Variants in MYO10 observed in about 807,000 individuals in gnomAD.
The protein encoded by MYO10 is myosin X, also known as unconventional myosin-X.
A neutral mutation model predicts 257.3 loss-of-function variants in MYO10; 133 were observed. The observed-to-expected ratio is 0.52, with a 90% confidence interval of 0.45 to 0.60. The LOEUF (loss-of-function observed/expected upper bound fraction) is 0.60, where lower values mean the gene tolerates loss of function less well. MYO10 is among the 20% of genes least tolerant of loss of function. The pLI is 0.00. For missense variants in MYO10, 2,399 were observed against 2,635.7 expected, an observed-to-expected ratio of 0.91 and a Z score of 1.97; for synonymous variants, 1,104 against 1,028.6, an observed-to-expected ratio of 1.07 and a Z score of -1.40.
intron 2 of MYO10, among the ~76,000 whole-genome samples, chr5:16,844,348 A>C (rs1743568181): frequency 6.6e-6 from 1 of 152,172 alleles, no homozygotes; most frequent in Non-Finnish European, 1.5e-5. Flanking sequence ...ATTAACACAG[A>C]TCTTTAATGA....
chr5:16,709,745 T>C (rs1738510265), intron 21 of MYO10, among the ~76,000 whole-genome samples: 1 of 152,198 alleles, frequency 6.6e-6, no homozygotes, highest in Non-Finnish European at 1.5e-5. Flanking sequence ...TATGAGATAA[T>C]CAATGTGTGT....
At chr5:16,821,003 A>ATT (rs1742783902) in intron 2 of MYO10, among the ~76,000 whole-genome samples, 1 of 147,646 alleles carries the variant, frequency 6.8e-6, no homozygotes, top group African/African-American at 2.5e-5. Flanking sequence ...CTTATATCTT[A>ATT]AGATACCTTA....
rs763541268 is a variant in MYO10 at position 16,701,118 on chromosome 5, GGTCGTA to G, written c.3271_3276del (p.Tyr1091_Asp1092del). On this transcript the variant is annotated inframe_deletion, in exon 25 of 41. Transcript: ENST00000513610. This position sits in a 1 kb window ranked among gnomAD's most constrained non-coding sequence, Gnocchi z 8.1. ...ATGGCACCGTCCTCATAGTCATCCT[GGTCGTA>G]GTCGTAGTCGCCGTCTGGGGAGGGC... is the stretch of plus-strand genomic sequence containing the variant. 6.3e-6 allele frequency: 10 copies of G among 1,594,270 alleles called. No individual in the cohort carries two copies. Among genetic ancestry groups the G allele is most frequent in the Non-Finnish European group, 6.0e-6 (7 of 1,170,806 alleles).
rs1317824118 is a variant in MYO10 at position 16,935,801 on chromosome 5, T to G, written c.8A>C (p.Asn3Thr). 6.2e-7 allele frequency: 1 copy of G among 1,613,078 alleles called. No homozygotes were observed. The highest frequency in any genetic ancestry group is 8.5e-7 in the Non-Finnish European group (1 of 1,179,666). MD[N>T]FFTEGTRVWL... Reference sequence around the variant, plus strand: ...GAGCGCACTTACCTCGGTGAAGAAGTTATCCATTGTTCCAGCGCAGTCCCG... The same window carrying G: ...GAGCGCACTTACCTCGGTGAAGAAGGTATCCATTGTTCCAGCGCAGTCCCG... Residue 3 changes from asparagine to threonine, a missense_variant, in exon 1 of 41, where the codon AAC becomes ACC. By Grantham distance (65) the Asn-to-Thr change is moderately conservative. Around this residue, in one of 3 missense-constraint regions of MYO10, gnomAD observed 242 missense variants for 249.5 expected, o/e 0.97. Coordinates refer to ENST00000513610, the MANE Select transcript of MYO10 (RefSeq NM_012334.3).
intron 30 of MYO10, among the ~76,000 whole-genome samples, chr5:16,683,307 A>C (rs1172272137): frequency 3.3e-5 from 5 of 152,218 alleles, no homozygotes; most frequent in Non-Finnish European, 4.4e-5. Flanking sequence ...CTTACAAGAT[A>C]ATACAGAAAA....
At chr5:16,754,694 G>C in intron 19 of MYO10, 134 bp downstream of exon 19, 2 of 500,574 alleles carry the variant, frequency 4.0e-6, no homozygotes, top group African/African-American at 1.9e-5. Context: ...TTCATGTCAA[G>C]TTATAATAAT....
Position 16,681,989 on chromosome 5 carries a change from C to T in MYO10, c.4071G>A (p.Thr1357=). Residue 1357 remains threonine (T), a synonymous_variant, in exon 31 of 41, where the codon ACG becomes ACA. Coordinates refer to ENST00000513610, the MANE Select transcript of MYO10 (RefSeq NM_012334.3). ...CGTTGCAGTGCAGCACCCGGTTGGC[C>T]GTGATGATCACAAACGAGTTGGGTC... is the stretch of plus-strand genomic sequence containing the variant. The part of the protein sequence containing the change: ...PDRPNSFVII[T]ANRVLHCNAD... The T allele has an allele frequency of 2.5e-6, 4 of 1,613,638 alleles. No individual in the cohort carries two copies. Among genetic ancestry groups the T allele is most frequent in the Non-Finnish European group, 3.4e-6 (4 of 1,179,870 alleles).
intron 19 of MYO10, among the ~76,000 whole-genome samples, chr5:16,753,380 G>T (rs565319261): frequency 1.3e-5 from 2 of 151,888 alleles, no homozygotes; most frequent in Admixed American, 6.6e-5. Flanking sequence ...TGTTAACCAG[G>T]ATGGTCTCCA....
chr5:16,820,565 C>A (rs548255540), intron 2 of MYO10, among the ~76,000 whole-genome samples: 1 of 152,276 alleles, frequency 6.6e-6, no homozygotes, highest in East Asian at 1.9e-4. Context: ...AGCAAGAAGA[C>A]AGGGCACTGA....
At chr5:16,848,861 A>G (rs901479624) in intron 2 of MYO10, among the ~76,000 whole-genome samples, 3 of 152,200 alleles carry the variant, frequency 2.0e-5, no homozygotes, top group African/African-American at 7.2e-5. Context: ...CTGTAGGCAC[A>G]TAAGTTTTTC....
chr5:16,859,444 T>C (rs1452114331), intron 2 of MYO10, among the ~76,000 whole-genome samples: 1 of 152,100 alleles, frequency 6.6e-6, no homozygotes, highest in African/African-American at 2.4e-5. Flanking sequence ...CATTGGGGGC[T>C]AGGATTTCAA....
At chr5:16,839,651 A>G (rs960016837) in intron 2 of MYO10, among the ~76,000 whole-genome samples, 4 of 152,164 alleles carry the variant, frequency 2.6e-5, no homozygotes, top group African/African-American at 9.7e-5. Flanking sequence ...GCTAAGGGGA[A>G]GATCACCTGA....
At chr5:16,814,680 G>A (rs913390900) in intron 3 of MYO10, 2 of 152,114 alleles carry the variant, frequency 1.3e-5, no homozygotes, top group African/African-American at 2.4e-5. Context: ...TCCGGTGAAT[G>A]GCTTCAATGA....
rs376840834 is a variant in MYO10 at position 16,703,010 on chromosome 5, T to C, written c.2425A>G (p.Arg809Gly). 216 of 1,552,410 alleles carry C rather than the reference T, an allele frequency of 1.4e-4. No individual in the cohort carries two copies. The highest frequency in any genetic ancestry group is 1.8e-4 in the Non-Finnish European group (209 of 1,147,196). ...TCCCTTTTCTCTGCCAGCAATTGTC[T>C]GTAAACTCTCCGAGCAATCTGACCT... ...LRGQIARRVY[R>G]QLLAEKREQE... The change falls in exon 23 of 41, where the codon AGA becomes GGA. Residue 809 changes from arginine to glycine, a missense_variant. By Grantham distance (125) the Arg-to-Gly change is moderately radical (BLOSUM62 -2). Transcript: ENST00000513610.
At chr5:16,929,589 G>T (rs774859429) in intron 1 of MYO10, among the ~76,000 whole-genome samples, 1 of 152,114 alleles carries the variant, frequency 6.6e-6, no homozygotes, top group Admixed American at 6.6e-5. Flanking sequence ...CTTCATCTAT[G>T]GATTGGGTAT....
At position 16,738,078 on chromosome 5, in the gene MYO10, GA is replaced by G. The variant is rs1425046730; in HGVS notation, c.1929+16749del. On this transcript the variant is annotated intron_variant, in intron 19 of 40. Coordinates refer to ENST00000513610, the MANE Select transcript of MYO10 (RefSeq NM_012334.3). ...AAGTTACAAAATTAAGGGAGATGAT[GA>G]GGCCAAAGCTTAGAGGAGGGTTTTG... 9 of 955,946 alleles carry G rather than the reference GA, an allele frequency of 9.4e-6. No homozygotes were observed. In the African/African-American group the frequency reaches 1.2e-4, roughly 13 times the overall value. 59.2% of individuals were successfully genotyped at this position (955,946 alleles called of 1,614,324 possible). A position where few individuals can be genotyped will look rare whatever the true frequency, so the allele number is the denominator to read the frequency against.
intron 19 of MYO10, among the ~76,000 whole-genome samples, chr5:16,751,335 G>A (rs1330885268): frequency 1.3e-5 from 2 of 152,082 alleles, no homozygotes; most frequent in Non-Finnish European, 2.9e-5. Flanking sequence ...GTGACAGTCC[G>A]ATATTTCCAG....
At chr5:16,775,319 G>A (rs1741182481) in intron 9 of MYO10, among the ~76,000 whole-genome samples, 1 of 152,002 alleles carries the variant, frequency 6.6e-6, no homozygotes, top group African/African-American at 2.4e-5. Context: ...TGTTTATTGC[G>A]ACCAATGATA....
At chr5:16,814,513 C>CA (rs1263733151) in intron 3 of MYO10, 2 of 152,116 alleles carry the variant, frequency 1.3e-5, no homozygotes, top group Non-Finnish European at 2.9e-5. Context: ...ACTAATGCAA[C>CA]ATCTCTGGAA....
Sources: gnomAD v4.1 joint callset for allele counts (sites outside exome capture counted in the v4.1 genomes callset) on GRCh38, gnomAD v4.1.1 for gene constraint, gnomAD v4.1.1 regional missense constraint, Gnocchi (gnomAD v3.1) non-coding constraint, MANE v1.5 for transcripts, NCBI Gene and HGNC (gene_info 2026-07-23, HGNC 2026-07-21) for gene names.